ZC3H7B: variants seen among roughly 807,000 people sequenced by gnomAD.
ZC3H7B encodes the protein zinc finger CCCH-type containing 7B.
A neutral mutation model predicts 116.0 loss-of-function variants in ZC3H7B; 35 were observed. That is an observed-to-expected ratio of 0.30 (90% CI 0.23 to 0.40). The LOEUF (loss-of-function observed/expected upper bound fraction) is 0.40, where lower values mean the gene tolerates loss of function less well. Ranked by LOEUF, ZC3H7B falls within the 10% of genes least tolerant of loss-of-function variation. ZC3H7B has a pLI of 1.00. For missense variants in ZC3H7B, 1,011 were observed against 1,321.5 expected (o/e 0.77, Z 3.64); for synonymous variants, 502 against 545.6 (o/e 0.92, Z 1.11).
At chr22:41,314,732 C>T (rs992022313) in intron 1 of ZC3H7B, among the ~76,000 whole-genome samples, 1 of 151,712 alleles carries the variant, frequency 6.6e-6, no homozygotes, top group Admixed American at 6.6e-5. Flanking sequence ...GCCTCAGCCT[C>T]CCAAGTAGCT....
intron 1 of ZC3H7B, among the ~76,000 whole-genome samples, chr22:41,311,068 CTTTTT>C (rs747090159): frequency 7.6e-6 from 1 of 132,142 alleles, no homozygotes; most frequent in Non-Finnish European, 1.6e-5. Flanking sequence ...CCCAGCCTCA[CTTTTT>C]TTTTTTTTTT....
At chr22:41,348,844 C>G (rs1230800129) in intron 15 of ZC3H7B, among the ~76,000 whole-genome samples, 1 of 152,224 alleles carries the variant, frequency 6.6e-6, no homozygotes, top group Non-Finnish European at 1.5e-5. Context: ...CAGAATCAAG[C>G]TGGAAACCTG....
intron 1 of ZC3H7B, among the ~76,000 whole-genome samples, chr22:41,306,934 CGTCAGCCCCCAGGAGCCTCCACAGAG>C (rs2036049371): frequency 6.7e-6 from 1 of 150,218 alleles, no homozygotes; most frequent in African/African-American, 2.4e-5. Flanking sequence ...ATGGGCTGTG[CGTCAGCCCCCAGGAGCCTCCACAGAG>C]GTCAGCTCCT....
chr22:41,325,990 C>T (rs1447125877), intron 4 of ZC3H7B, 72 bp downstream of exon 4: 3 of 1,515,052 alleles, frequency 2.0e-6, no homozygotes, highest in Non-Finnish European at 1.8e-6. Flanking sequence ...GAGCCAGGCC[C>T]ATACCCCAGT....
At chr22:41,348,272 G>A in intron 15 of ZC3H7B, 105 bp downstream of exon 15, 1 of 1,013,706 alleles carries the variant, frequency 9.9e-7, no homozygotes, top group Non-Finnish European at 1.5e-6. Flanking sequence ...GTGGATGTAG[G>A]GTGCAAGGAA....
chr22:41,311,290 T>C (rs1014394362), intron 1 of ZC3H7B, among the ~76,000 whole-genome samples: 1 of 150,896 alleles, frequency 6.6e-6, no homozygotes, highest in African/African-American at 2.4e-5. Context: ...GGTTGCAGGG[T>C]GGGGAAATAT....
In ZC3H7B at chr22:41,338,504, T is replaced by C. The variant is rs2036473828; in HGVS notation, c.625+149T>C. The C allele has an allele frequency of 3.6e-6, 3 of 834,980 alleles. No homozygotes were observed. The highest frequency in any genetic ancestry group is 5.7e-6 in the Non-Finnish European group (3 of 526,984). 51.7% of individuals were successfully genotyped at this position (834,980 alleles called of 1,614,324 possible). A position where few individuals can be genotyped will look rare whatever the true frequency, so the allele number is the denominator to read the frequency against. ...CTCCCTGAGGCATGGGAGAAAACAG[T>C]GGGTTGAGAGCTACAGACCCACTCA... On this transcript the variant is annotated intron_variant, in intron 8 of 22. Transcript: ENST00000352645. This position sits in a 1 kb window ranked among gnomAD's most constrained non-coding sequence, Gnocchi z 4.5.
intron 1 of ZC3H7B, among the ~76,000 whole-genome samples, chr22:41,314,359 G>C (rs182304525): frequency 6.6e-6 from 1 of 151,472 alleles, no homozygotes; most frequent in East Asian, 2.0e-4. Flanking sequence ...GTTTCGCCAT[G>C]TTGGCCAGGC....
intron 10 of ZC3H7B, 112 bp from the exon 11 acceptor site, chr22:41,340,976 A>T: frequency 1.0e-6 from 1 of 994,138 alleles, no homozygotes. Flanking sequence ...GTAGGAGAGG[A>T]TGTGTGGCCT....
chr22:41,324,574 G>A (rs377670382), intron 2 of ZC3H7B, among the ~76,000 whole-genome samples: 73 of 152,364 alleles, frequency 4.8e-4, no homozygotes, highest in African/African-American at 1.7e-3. Flanking sequence ...GCCCATTGGA[G>A]AGATGAACCT....
Position 41,351,238 on chromosome 22 carries a change from A to C in ZC3H7B, c.1949-323A>C, listed in dbSNP as rs1323103059. 6.6e-6 allele frequency among the ~76,000 whole-genome samples: 1 copy of C among 152,136 alleles called. No homozygotes were observed. The highest frequency in any genetic ancestry group is 1.5e-5 in the Non-Finnish European group (1 of 68,016). On this transcript the variant is annotated intron_variant, in intron 16 of 22. Transcript: ENST00000352645. The surrounding 1 kb of genome is among the most constrained non-coding windows in gnomAD (Gnocchi z 5.1). ...AGATGGGGGTCAGGGAAGGGTGCTG[A>C]GTCACCGGCCCAAGAGACAGGGTCA...
intron 10 of ZC3H7B, among the ~76,000 whole-genome samples, chr22:41,340,419 C>T (rs1232678048): frequency 6.6e-6 from 1 of 152,010 alleles, no homozygotes; most frequent in East Asian, 1.9e-4. Context: ...CCTCCCGGGA[C>T]CCTGGGTCAC....
intron 1 of ZC3H7B, among the ~76,000 whole-genome samples, chr22:41,314,281 C>T (rs1328443878): frequency 1.3e-5 from 2 of 151,688 alleles, no homozygotes; most frequent in African/African-American, 2.4e-5. Context: ...CTCAGCCTCC[C>T]GAGTAGTTGG....
At chr22:41,309,257 A>T (rs1161163064) in intron 1 of ZC3H7B, among the ~76,000 whole-genome samples, 1 of 150,984 alleles carries the variant, frequency 6.6e-6, no homozygotes, top group African/African-American at 2.4e-5. Flanking sequence ...TGATCCGCCC[A>T]TCTCGGCCTC....
At chr22:41,315,389 T>C (rs2036169952) in intron 1 of ZC3H7B, among the ~76,000 whole-genome samples, 1 of 145,388 alleles carries the variant, frequency 6.9e-6, no homozygotes, top group Non-Finnish European at 1.5e-5. Flanking sequence ...GGAGTCTTGC[T>C]ATGTTGCCTG....
intron 9 of ZC3H7B, 86 bp downstream of exon 9, chr22:41,339,277 A>C: frequency 1.4e-6 from 2 of 1,464,018 alleles, no homozygotes; most frequent in Middle Eastern, 1.8e-4. Context: ...GAAGGCCCCA[A>C]TGCTCATGTC....
At chr22:41,314,606 T>A (rs1020641988) in intron 1 of ZC3H7B, among the ~76,000 whole-genome samples, 4 of 145,660 alleles carry the variant, frequency 2.7e-5, no homozygotes, top group African/African-American at 5.1e-5. Flanking sequence ...CATTATTATT[T>A]TTTTATTTTA....
At chr22:41,340,330 G>T (rs941264649) in intron 10 of ZC3H7B, among the ~76,000 whole-genome samples, 193 bp downstream of exon 10, 4 of 152,086 alleles carry the variant, frequency 2.6e-5, no homozygotes, top group South Asian at 4.2e-4. Context: ...TGAGGGGTGG[G>T]TGTCTTGTTC....
At chr22:41,315,917 A>G (rs1048173138) in intron 1 of ZC3H7B, among the ~76,000 whole-genome samples, 3 of 152,178 alleles carry the variant, frequency 2.0e-5, no homozygotes, top group Non-Finnish European at 4.4e-5. Flanking sequence ...TTCAGTCTAT[A>G]ACATTCTACC....
Sources: allele counts gnomAD v4.1 joint callset (sites outside exome capture counted in the v4.1 genomes callset), GRCh38; gene constraint gnomAD v4.1.1; non-coding constraint Gnocchi (gnomAD v3.1); transcripts MANE v1.5; gene names NCBI Gene and HGNC (gene_info 2026-07-23, HGNC 2026-07-21).